The following CCL28 variants were observed in gnomAD, a reference collection of about 807,000 sequenced individuals.
CCL28 encodes C-C motif chemokine 28.
CCL28 carries 4 observed loss-of-function variants against 7.1 expected under a neutral mutation model. That is an observed-to-expected ratio of 0.56 (90% CI 0.28 to 1.29). CCL28 has a LOEUF of 1.29. CCL28 is among the 50% of genes most tolerant of loss of function. The pLI is 0.11. For missense variants in CCL28, 151 were observed against 163.4 expected (o/e 0.92, Z 0.41); for synonymous variants, 55 against 57.8 (o/e 0.95, Z 0.22).
chr5:43,396,475 C>A (rs963654434), intron 1 of CCL28, among the ~76,000 whole-genome samples: 1 of 152,146 alleles, frequency 6.6e-6, no homozygotes, highest in African/African-American at 2.4e-5. Context: ...CTGGTTCACT[C>A]GCCTCTGACA....
chr5:43,389,512 A>T (rs1740483165), intron 1 of CCL28, among the ~76,000 whole-genome samples: 1 of 152,218 alleles, frequency 6.6e-6, no homozygotes, highest in African/African-American at 2.4e-5. Context: ...CTCAAAGATT[A>T]GCTGTGGCCC....
At chr5:43,368,950 G>C in the CCL28 span, among the ~76,000 whole-genome samples, 1 of 143,414 alleles carries the variant, frequency 7.0e-6, no homozygotes, top group Admixed American at 7.4e-5. Context: ...GGCAACCCTA[G>C]CAAACTCATA....
At chr5:43,382,659 C>T (rs767687574) in intron 2 of CCL28, among the ~76,000 whole-genome samples, 10 of 152,210 alleles carry the variant, frequency 6.6e-5, no homozygotes, top group South Asian at 2.1e-4. Context: ...GTCTTGAAAA[C>T]GCCTTATTCA....
At chr5:43,407,040 C>A (rs987115270) in intron 1 of CCL28, among the ~76,000 whole-genome samples, 1 of 152,140 alleles carries the variant, frequency 6.6e-6, no homozygotes, top group Non-Finnish European at 1.5e-5. Context: ...TATGAAGAAT[C>A]AATATCATGA....
chr5:43,364,907 C>T, the CCL28 span, among the ~76,000 whole-genome samples: 3 of 151,432 alleles, frequency 2.0e-5, no homozygotes, highest in Non-Finnish European at 4.4e-5. Context: ...TTTCAATTTG[C>T]TTGGTAAATA....
intron 1 of CCL28, among the ~76,000 whole-genome samples, chr5:43,400,478 C>A (rs1017834911): frequency 6.6e-6 from 1 of 152,080 alleles, no homozygotes; most frequent in Non-Finnish European, 1.5e-5. Context: ...ATCCACTGCG[C>A]CTGGCAGATT....
chr5:43,406,509 G>A (rs1003657041), intron 1 of CCL28, among the ~76,000 whole-genome samples: 3 of 152,150 alleles, frequency 2.0e-5, no homozygotes, highest in African/African-American at 7.2e-5. Flanking sequence ...CAAATAATCA[G>A]AGCTATTTAT....
intron 1 of CCL28, among the ~76,000 whole-genome samples, chr5:43,389,526 C>A (rs1740483481): frequency 6.6e-6 from 1 of 152,108 alleles, no homozygotes. Context: ...GTGGCCCAAG[C>A]AACTCTAATA....
intron 1 of CCL28, among the ~76,000 whole-genome samples, chr5:43,395,075 A>AG (rs1740742626): frequency 6.6e-6 from 1 of 151,214 alleles, no homozygotes; most frequent in Non-Finnish European, 1.5e-5. Flanking sequence ...ATCCTTTGAA[A>AG]GAGTTTGTAT....
At chr5:43,407,026 T>C (rs1741309877) in intron 1 of CCL28, among the ~76,000 whole-genome samples, 1 of 152,192 alleles carries the variant, frequency 6.6e-6, no homozygotes. Context: ...TCCATGCTCA[T>C]GGATATGAAG....
At chr5:43,377,716 A>ATTTTTT (rs1561151287), downstream of CCL28, among the ~76,000 whole-genome samples, 26 of 45,662 alleles carry the variant, frequency 5.7e-4, no homozygotes, top group South Asian at 1.7e-3. Context: ...TAGAACTTAA[A>ATTTTTT]CTTTTTTTTT....
chr5:43,411,743 T>C (rs1375130118), intron 1 of CCL28, among the ~76,000 whole-genome samples: 1 of 152,194 alleles, frequency 6.6e-6, no homozygotes, highest in Admixed American at 6.5e-5. Flanking sequence ...TGCCCTCCCT[T>C]TTTAAAGGTC....
chr5:43,377,716 A>ATTTTT (rs1561151287), downstream of CCL28, among the ~76,000 whole-genome samples: 25 of 45,654 alleles, frequency 5.5e-4, no homozygotes, highest in African/African-American at 9.4e-4. Flanking sequence ...TAGAACTTAA[A>ATTTTT]CTTTTTTTTT....
rs980009176 is a variant in CCL28 at position 43,380,983 on chromosome 5, A to C, written c.*877T>G. 7 of 152,144 alleles carry C rather than the reference A, an allele frequency of 4.6e-5. No homozygotes were observed. The highest frequency in any genetic ancestry group is 3.3e-4 in the Admixed American group (5 of 15,270). 9.4% of individuals were successfully genotyped at this position (152,144 alleles called of 1,614,324 possible). A position where few individuals can be genotyped will look rare whatever the true frequency, so the allele number is the denominator to read the frequency against. ...ATAGTTGGGAAAATTTGAATATGGA[A>C]TATATTAGATGAAATTATTAATTTT... On this transcript the variant is annotated 3_prime_UTR_variant, in exon 3 of 3. Coordinates refer to ENST00000361115, the MANE Select transcript of CCL28 (RefSeq NM_148672.3).
chr5:43,370,271 T>A, the CCL28 span, among the ~76,000 whole-genome samples: 7 of 152,320 alleles, frequency 4.6e-5, no homozygotes, highest in East Asian at 7.7e-4. Context: ...AGTTAACGAA[T>A]ACATAAACAT....
intron 1 of CCL28, among the ~76,000 whole-genome samples, chr5:43,404,052 CG>C (rs1741160083): frequency 6.6e-6 from 1 of 152,118 alleles, no homozygotes; most frequent in South Asian, 2.1e-4. Context: ...CTGAAAGTGA[CG>C]GGGAGAATGG....
At chr5:43,373,369 C>T (rs1739826655), downstream of CCL28, among the ~76,000 whole-genome samples, 7 of 151,822 alleles carry the variant, frequency 4.6e-5, no homozygotes, top group South Asian at 1.0e-3. Flanking sequence ...GGCGTGATCT[C>T]GGCTCACTGC....
intron 1 of CCL28, among the ~76,000 whole-genome samples, chr5:43,393,472 A>G (rs914185449): frequency 1.3e-5 from 2 of 151,878 alleles, no homozygotes; most frequent in African/African-American, 4.8e-5. Flanking sequence ...CTCCTGCCTC[A>G]GCCTCCCAAG....
Position 43,379,263 on chromosome 5 carries a change from T to C in CCL28, c.*2597A>G, listed in dbSNP as rs1015783219. 3.9e-5 allele frequency: 6 copies of C among 152,036 alleles called. No individual in the cohort carries two copies. The highest frequency in any genetic ancestry group is 5.9e-5 in the Non-Finnish European group (4 of 68,040). 9.4% of individuals were successfully genotyped at this position (152,036 alleles called of 1,614,324 possible). On this transcript the variant is annotated 3_prime_UTR_variant, in exon 3 of 3. Transcript: ENST00000361115. ...AATTTAAAATGGAAAATAATTCAAG[T>C]TGTTAGTTGAAAGAATTAGACACCA...
Sources: allele counts gnomAD v4.1 joint callset (sites outside exome capture counted in the v4.1 genomes callset), GRCh38; gene constraint gnomAD v4.1.1; transcripts MANE v1.5; gene names NCBI Gene and HGNC (gene_info 2026-07-23, HGNC 2026-07-21).